PRKACB: variants seen among roughly 807,000 people sequenced by gnomAD.
PRKACB encodes the protein protein kinase cAMP-activated catalytic subunit beta.
A neutral mutation model predicts 51.4 loss-of-function variants in PRKACB; 16 were observed. That is an observed-to-expected ratio of 0.31 (90% CI 0.21 to 0.47). The LOEUF is 0.47. Among genes scored for constraint, PRKACB ranks in the 20% least tolerant of loss-of-function variants. PRKACB has a pLI of 1.00. For missense variants in PRKACB, 309 were observed against 464.5 expected (o/e 0.67, Z 3.08); for synonymous variants, 147 against 154.4 (o/e 0.95, Z 0.35).
chr1:84,113,332 AC>A (rs1215572324), intron 1 of PRKACB, among the ~76,000 whole-genome samples: 3 of 152,202 alleles, frequency 2.0e-5, no homozygotes, highest in African/African-American at 7.2e-5. Context: ...GAGTAGAAAC[AC>A]TTATACATGT....
At chr1:84,095,359 T>G (rs1571557713) in intron 1 of PRKACB, among the ~76,000 whole-genome samples, 1 of 151,966 alleles carries the variant, frequency 6.6e-6, no homozygotes, top group Admixed American at 6.6e-5. Context: ...CAGTTTTTAT[T>G]TATCTGGATT....
At chr1:84,220,036 G>T (rs1345706829) in intron 9 of PRKACB, among the ~76,000 whole-genome samples, 2 of 151,706 alleles carry the variant, frequency 1.3e-5, no homozygotes, top group African/African-American at 4.8e-5. Flanking sequence ...AAATTTATTT[G>T]CATAGTTGAT....
At chr1:84,086,029 G>T in intron 1 of PRKACB, 1 of 850,956 alleles carries the variant, frequency 1.2e-6, no homozygotes. Flanking sequence ...TGGGGCTGAG[G>T]TTAGAGAAGA....
At chr1:84,224,740 A>C (rs2101647239) in intron 9 of PRKACB, among the ~76,000 whole-genome samples, 1 of 152,306 alleles carries the variant, frequency 6.6e-6, no homozygotes, top group East Asian at 1.9e-4. Flanking sequence ...GCAGGCAGTC[A>C]GTGGTTTGGG....
chr1:84,141,395 A>G (rs1360155947), upstream of PRKACB, among the ~76,000 whole-genome samples: 1 of 152,072 alleles, frequency 6.6e-6, no homozygotes, highest in Non-Finnish European at 1.5e-5. Context: ...TCTTCTTTTT[A>G]TTTTTATTTC....
upstream of PRKACB, among the ~76,000 whole-genome samples, chr1:84,143,589 T>TG (rs1653653556): frequency 6.6e-6 from 1 of 152,198 alleles, no homozygotes; most frequent in Non-Finnish European, 1.5e-5. Flanking sequence ...TGAAATTTCT[T>TG]GCTATGGTGG....
At chr1:84,115,936 A>G (rs536683335) in intron 1 of PRKACB, among the ~76,000 whole-genome samples, 2 of 148,862 alleles carry the variant, frequency 1.3e-5, no homozygotes, top group African/African-American at 4.9e-5. Context: ...GCCTAGAGCA[A>G]TGTCCAGGAG....
chr1:84,102,763 G>A (rs749659070), intron 1 of PRKACB, among the ~76,000 whole-genome samples: 2 of 151,850 alleles, frequency 1.3e-5, no homozygotes, highest in Non-Finnish European at 2.9e-5. Context: ...GAATGATTGA[G>A]AGAGGGCAGC....
intron 5 of PRKACB, among the ~76,000 whole-genome samples, chr1:84,192,123 A>C (rs1468294161): frequency 1.3e-5 from 2 of 152,150 alleles, no homozygotes; most frequent in Admixed American, 1.3e-4. Context: ...GTTTATAAAA[A>C]GAGTTAGATC....
At chr1:84,150,080 C>T (rs1428571181) in intron 1 of PRKACB, among the ~76,000 whole-genome samples, 1 of 151,994 alleles carries the variant, frequency 6.6e-6, no homozygotes, top group Non-Finnish European at 1.5e-5. Context: ...GCCTGGCCAA[C>T]ATGGTGAAAC....
rs200789858 is a variant in PRKACB at position 84,223,759 on chromosome 1, TTC to T, written c.1071+9446_1071+9447del. Among the ~76,000 whole-genome samples the T allele has an allele frequency of 1.5e-3, 230 of 152,330 alleles. 5 individuals are homozygous for T. In the East Asian group the frequency reaches 0.038, roughly 25 times the overall value. On this transcript the variant is annotated intron_variant, in intron 9 of 9. Transcript: ENST00000370685. ...GATGTCTTTGTATTGTTTGTCTGTG[TTC>T]TCTTATATCTCACTGAGCTTCTTTA...
intron 9 of PRKACB, among the ~76,000 whole-genome samples, chr1:84,224,194 C>T (rs1674204241): frequency 6.6e-6 from 1 of 152,242 alleles, no homozygotes; most frequent in African/African-American, 2.4e-5. Flanking sequence ...TCCTGATCCT[C>T]AGGCCCCAGT....
At chr1:84,199,053 ATATATGCGTATATATGCATATATG>A (rs1669142897) in intron 7 of PRKACB, among the ~76,000 whole-genome samples, 2 of 51,584 alleles carry the variant, frequency 3.9e-5, no homozygotes, top group African/African-American at 8.2e-5. Context: ...GTATGCATAT[ATATATGCGTATATATGCATATATG>A]TATATATATG....
intron 1 of PRKACB, among the ~76,000 whole-genome samples, chr1:84,151,633 A>G (rs1432245074): frequency 1.3e-5 from 2 of 152,202 alleles, no homozygotes; most frequent in Non-Finnish European, 2.9e-5. Context: ...TGTCATTTCA[A>G]TAATCTTCAC....
At chr1:84,230,214 C>G (rs1304671795) in intron 9 of PRKACB, among the ~76,000 whole-genome samples, 10 of 149,998 alleles carry the variant, frequency 6.7e-5, no homozygotes, top group Non-Finnish European at 1.2e-4. Flanking sequence ...GCTTGTTTTT[C>G]TCAGGTTTGT....
chr1:84,182,612 T>G (rs1361395983), intron 3 of PRKACB, among the ~76,000 whole-genome samples: 1 of 152,052 alleles, frequency 6.6e-6, no homozygotes, highest in Admixed American at 6.6e-5. Context: ...TACAGACTTT[T>G]GTTTCTTGTT....
chr1:84,216,156 T>C (rs768514427), intron 9 of PRKACB, among the ~76,000 whole-genome samples: 12 of 152,056 alleles, frequency 7.9e-5, no homozygotes, highest in Non-Finnish European at 1.5e-4. Flanking sequence ...CTGGCAAACA[T>C]GGCAAAACCC....
At chr1:84,204,508 T>C in intron 8 of PRKACB, 1 of 1,603,766 alleles carries the variant, frequency 6.2e-7, no homozygotes, top group Non-Finnish European at 8.5e-7. Flanking sequence ...AAAACAAAAC[T>C]TTGAGAAAAA....
intron 1 of PRKACB, among the ~76,000 whole-genome samples, chr1:84,146,944 G>T (rs1021751967): frequency 2.5e-4 from 38 of 152,004 alleles, no homozygotes; most frequent in African/African-American, 9.2e-4. Flanking sequence ...AATACATGAA[G>T]TTCAAAGAAA....
Sources: allele counts gnomAD v4.1 joint callset (sites outside exome capture counted in the v4.1 genomes callset), GRCh38; gene constraint gnomAD v4.1.1; transcripts MANE v1.5; gene names NCBI Gene and HGNC (gene_info 2026-07-23, HGNC 2026-07-21).